GRB14: variants seen among roughly 807,000 people sequenced by gnomAD.
The protein encoded by GRB14 is growth factor receptor bound protein 14, also known as growth factor receptor-bound protein 14.
Under a neutral mutation model 69.1 loss-of-function variants are expected in GRB14, and 38 were observed. That is an observed-to-expected ratio of 0.55 (90% CI 0.42 to 0.72). The LOEUF is 0.72. Ranked by LOEUF, GRB14 falls within the 30% of genes least tolerant of loss-of-function variation. The probability of loss-of-function intolerance (pLI) is 0.00; values close to 1 mark genes in which losing one functional copy is unlikely to be tolerated. For synonymous variants in GRB14, 247 were observed against 241.3 expected (o/e 1.02, Z -0.22); for missense variants, 666 against 666.1 (o/e 1.00, Z 0.00).
intron 2 of GRB14, among the ~76,000 whole-genome samples, chr2:164,556,049 G>A (rs1688671724): frequency 6.6e-6 from 1 of 152,110 alleles, no homozygotes; most frequent in Non-Finnish European, 1.5e-5. Flanking sequence ...GAAACACAGT[G>A]TCCTAAGATA....
At chr2:164,593,773 A>T (rs1457126893) in intron 2 of GRB14, among the ~76,000 whole-genome samples, 1 of 152,164 alleles carries the variant, frequency 6.6e-6, no homozygotes, top group Non-Finnish European at 1.5e-5. Flanking sequence ...TCCAGGAGGG[A>T]TGCCTTCAGG....
intron 2 of GRB14, among the ~76,000 whole-genome samples, chr2:164,572,381 T>C (rs1689143179): frequency 6.6e-6 from 1 of 152,158 alleles, no homozygotes; most frequent in African/African-American, 2.4e-5. Flanking sequence ...AGCCCCACAA[T>C]GAAGGCCCAA....
intron 1 of GRB14, chr2:164,620,027 C>G: frequency 3.4e-6 from 1 of 290,226 alleles, no homozygotes; most frequent in Non-Finnish European, 6.2e-6. Context: ...TCCTATAGTT[C>G]CTCTCTTTCT....
At chr2:164,602,394 T>C (rs1384975343) in intron 2 of GRB14, among the ~76,000 whole-genome samples, 1 of 152,174 alleles carries the variant, frequency 6.6e-6, no homozygotes, top group Non-Finnish European at 1.5e-5. Context: ...TATCTTGACA[T>C]GCTGGAATAA....
intron 2 of GRB14, among the ~76,000 whole-genome samples, chr2:164,577,381 G>C (rs562981842): frequency 5.3e-5 from 8 of 152,284 alleles, no homozygotes; most frequent in African/African-American, 1.7e-4. Context: ...GTTGGGGAGG[G>C]ATCTGGTATG....
intron 2 of GRB14, among the ~76,000 whole-genome samples, chr2:164,592,578 G>T (rs1689691985): frequency 6.6e-6 from 1 of 152,172 alleles, no homozygotes; most frequent in South Asian, 2.1e-4. Flanking sequence ...TCTGTGGCCA[G>T]CATCAGCCAC....
intron 2 of GRB14, among the ~76,000 whole-genome samples, chr2:164,550,134 T>C (rs1382043924): frequency 1.3e-5 from 2 of 152,128 alleles, no homozygotes; most frequent in Non-Finnish European, 2.9e-5. Flanking sequence ...CAATTAGTTG[T>C]GGCCAAAGAA....
intron 6 of GRB14, among the ~76,000 whole-genome samples, chr2:164,510,396 T>C (rs1311087109): frequency 6.6e-6 from 1 of 152,202 alleles, no homozygotes; most frequent in Non-Finnish European, 1.5e-5. Context: ...TTTCCCCATG[T>C]GTACGGACAT....
At chr2:164,548,668 T>G (rs142030170) in intron 2 of GRB14, among the ~76,000 whole-genome samples, 91 of 152,296 alleles carry the variant, frequency 6.0e-4, no homozygotes, top group African/African-American at 2.1e-3. Flanking sequence ...TCAATCCACA[T>G]TCTCACCAAC....
chr2:164,515,497 T>A (rs962683978), intron 6 of GRB14, among the ~76,000 whole-genome samples: 1 of 152,084 alleles, frequency 6.6e-6, no homozygotes, highest in African/African-American at 2.4e-5. Flanking sequence ...GGAAGCCACA[T>A]CCCTAGGGGA....
chr2:164,529,887 T>C (rs568892219), intron 3 of GRB14, among the ~76,000 whole-genome samples: 1 of 152,286 alleles, frequency 6.6e-6, no homozygotes, highest in Non-Finnish European at 1.5e-5. Flanking sequence ...AACTTAGTCA[T>C]TTGTTCATCC....
intron 2 of GRB14, among the ~76,000 whole-genome samples, chr2:164,556,888 G>A (rs1291310021): frequency 7.9e-5 from 12 of 152,172 alleles, no homozygotes; most frequent in Admixed American, 3.3e-4. Context: ...GATTCCTTCA[G>A]TGATGAAAGA....
chr2:164,544,403 CA>C (rs930547213), intron 3 of GRB14, among the ~76,000 whole-genome samples: 6 of 150,504 alleles, frequency 4.0e-5, no homozygotes, highest in South Asian at 4.2e-4. Flanking sequence ...GTGACTATAA[CA>C]AAAAAAAATT....
Position 164,603,496 on chromosome 2 carries a change from T to A in GRB14, c.324+16191A>T, listed in dbSNP as rs145679838. Among the ~76,000 whole-genome samples, 326 of 152,054 alleles carry A rather than the reference T, an allele frequency of 2.1e-3. 1 individual carries two copies. Among genetic ancestry groups the A allele is most frequent in the African/African-American group, 7.7e-3 (320 of 41,498 alleles). ...CTGGCCAACATAGTGAAACCCCGTCTCTGCTAAAAATACAAAAATTAGCTG... is the reference window on the plus strand; with the variant it reads ...CTGGCCAACATAGTGAAACCCCGTCACTGCTAAAAATACAAAAATTAGCTG... On this transcript the variant is annotated intron_variant, in intron 2 of 13. Transcript: ENST00000263915.
intron 3 of GRB14, 44 bp from the exon 4 acceptor site, chr2:164,527,179 A>C (rs773917486): frequency 5.6e-4 from 2 of 3,552 alleles, no homozygotes; most frequent in South Asian, 3.7e-3. Flanking sequence ...ATAGACAAAT[A>C]TATATATATA....
At chr2:164,573,592 C>T (rs1174185319) in intron 2 of GRB14, 2 of 1,149,236 alleles carry the variant, frequency 1.7e-6, no homozygotes, top group Admixed American at 5.4e-5. Flanking sequence ...TGTAAGTCAC[C>T]CTTTATATAA....
Position 164,522,032 on chromosome 2 carries a change from T to C in GRB14, c.764A>G (p.Tyr255Cys), listed in dbSNP as rs1255591423. 2 of 1,604,088 alleles carry C rather than the reference T, an allele frequency of 1.2e-6. No individual in the cohort carries two copies. Among genetic ancestry groups the C allele is most frequent in the Non-Finnish European group, 8.5e-7 (1 of 1,172,462 alleles). The change falls in exon 6 of 14, where the codon TAC (tyrosine) becomes TGC (cysteine). Residue 255 changes from tyrosine (Y) to cysteine (C), a missense_variant. Transcript: ENST00000263915. ...EQGKKSWKKIYFFLRRSGLYF... is the reference protein window; with the variant it reads ...EQGKKSWKKICFFLRRSGLYF... The stretch of plus-strand genomic sequence containing the variant: ...TAAACCAGATCTTCTTAGAAAAAAG[T>C]AAATTTTTTTCCAAGACTTCTTTCC...
chr2:164,599,904 G>A, intron 2 of GRB14, among the ~76,000 whole-genome samples: 1 of 152,156 alleles, frequency 6.6e-6, no homozygotes, highest in Non-Finnish European at 1.5e-5. Context: ...ATGCTACTTA[G>A]AGCCACTGTT....
At chr2:164,562,199 T>TGAA (rs1688847048) in intron 2 of GRB14, among the ~76,000 whole-genome samples, 1 of 152,180 alleles carries the variant, frequency 6.6e-6, no homozygotes, top group Admixed American at 6.5e-5. Flanking sequence ...ACTTGCCTAC[T>TGAA]GAAGCAACGT....
Sources: gnomAD v4.1 joint callset for allele counts (sites outside exome capture counted in the v4.1 genomes callset) on GRCh38, gnomAD v4.1.1 for gene constraint, MANE v1.5 for transcripts, NCBI Gene and HGNC (gene_info 2026-07-23, HGNC 2026-07-21) for gene names.